Variants in MYZAP observed in about 807,000 individuals in gnomAD.
MYZAP encodes the protein GRINL1A complex locus upstream.
Under a neutral mutation model 69.4 loss-of-function variants are expected in MYZAP, and 66 were observed. That is an observed-to-expected ratio of 0.95 (90% CI 0.78 to 1.17). MYZAP has a LOEUF of 1.17. Among genes scored for constraint, MYZAP ranks in the 50% most tolerant of loss-of-function variants. MYZAP has a pLI of 0.00. For missense variants in MYZAP, 611 were observed against 556.2 expected (o/e 1.10, Z -0.99); for synonymous variants, 256 against 205.9 (o/e 1.24, Z -2.09).
intron 3 of MYZAP, among the ~76,000 whole-genome samples, chr15:57,620,910 C>A (rs1443876845): frequency 6.6e-6 from 1 of 151,546 alleles, no homozygotes; most frequent in Non-Finnish European, 1.5e-5. Context: ...TTTCAACAAA[C>A]CATTTTTTCT....
intron 10 of MYZAP, among the ~76,000 whole-genome samples, chr15:57,649,717 T>A (rs2037631936): frequency 6.6e-6 from 1 of 152,198 alleles, no homozygotes; most frequent in African/African-American, 2.4e-5. Context: ...AGTTAATCTT[T>A]TTGGCTGTGT....
rs59322468 is a variant in MYZAP at position 57,629,971 on chromosome 15, A to ATTTTTTTTTTTTTT, written c.678+119_678+132dup. On this transcript the variant is annotated intron_variant, in intron 6 of 12. Coordinates refer to ENST00000267853, the MANE Select transcript of MYZAP (RefSeq NM_001018100.5). ...TTTTCTCCATTCTCTTCTTCATTGG[A>ATTTTTTTTTTTTTT]TTTTTTTTTTTTTTTGAGACAGAGT... 324 of 875,088 alleles carry ATTTTTTTTTTTTTT rather than the reference A, an allele frequency of 3.7e-4. 14 individuals are homozygous for ATTTTTTTTTTTTTT. The highest frequency in any genetic ancestry group is 3.1e-3 in the African/African-American group (134 of 43,696). 54.2% of individuals were successfully genotyped at this position (875,088 alleles called of 1,614,324 possible). A position where few individuals can be genotyped will look rare whatever the true frequency, so the allele number is the denominator to read the frequency against.
At chr15:57,631,353 G>A (rs1433893210) in intron 6 of MYZAP, among the ~76,000 whole-genome samples, 4 of 151,872 alleles carry the variant, frequency 2.6e-5, no homozygotes, top group Non-Finnish European at 5.9e-5. Context: ...TGGAGTCCAG[G>A]CCTTTAACTC....
At chr15:57,664,685 C>G (rs1409818099) in intron 11 of MYZAP, among the ~76,000 whole-genome samples, 3 of 152,164 alleles carry the variant, frequency 2.0e-5, no homozygotes, top group Admixed American at 6.5e-5. Context: ...CTAAAAGAAA[C>G]CACAAAAGTT....
At chr15:57,592,532 A>G (rs1184876701) in intron 1 of MYZAP, among the ~76,000 whole-genome samples, 2 of 152,172 alleles carry the variant, frequency 1.3e-5, no homozygotes, top group Non-Finnish European at 2.9e-5. Flanking sequence ...GTGATAGGGT[A>G]TCCACTAGTG....
intron 4 of MYZAP, among the ~76,000 whole-genome samples, chr15:57,622,274 G>T (rs959244239): frequency 2.6e-5 from 4 of 151,902 alleles, no homozygotes; most frequent in Admixed American, 2.0e-4. Flanking sequence ...ACATACCTAG[G>T]AGTCAACTAT....
chr15:57,640,607 AT>A (rs1215103995), intron 10 of MYZAP, among the ~76,000 whole-genome samples: 1 of 152,216 alleles, frequency 6.6e-6, no homozygotes, highest in Non-Finnish European at 1.5e-5. Context: ...AAATATATCT[AT>A]TTTATTAATC....
At chr15:57,680,458 G>A (rs1567244951) in intron 12 of MYZAP, among the ~76,000 whole-genome samples, 2 of 150,946 alleles carry the variant, frequency 1.3e-5, no homozygotes, top group Non-Finnish European at 2.9e-5. Flanking sequence ...GAAGGGGTGA[G>A]AGGGGACTCA....
chr15:57,592,062 C>A lies in MYZAP; in HGVS notation c.28C>A (p.Leu10Met). Reference sequence around the variant, plus strand: ...GCTGCGCTCCACGTCCACGGTCACCCTGCTCTCGGGCGGCGCCGCCAGGAC... The same window carrying A: ...GCTGCGCTCCACGTCCACGGTCACCATGCTCTCGGGCGGCGCCGCCAGGAC... Reference protein sequence around the residue: MLRSTSTVTLLSGGAARTPG... With the variant: MLRSTSTVTMLSGGAARTPG... The change falls in exon 1 of 13, where the codon CTG becomes ATG. Residue 10 changes from leucine to methionine, a missense_variant. Coordinates refer to ENST00000267853, the MANE Select transcript of MYZAP (RefSeq NM_001018100.5). 1 of 1,411,254 alleles carries A rather than the reference C, an allele frequency of 7.1e-7. No homozygotes were observed. Among genetic ancestry groups the A allele is most frequent in the Admixed American group, 2.9e-5 (1 of 34,156 alleles). 87.4% of individuals were successfully genotyped at this position (1,411,254 alleles called of 1,614,324 possible).
chr15:57,634,369 G>A (rs554804819), intron 8 of MYZAP, among the ~76,000 whole-genome samples: 85 of 152,134 alleles, frequency 5.6e-4, no homozygotes, highest in Non-Finnish European at 9.1e-4. Flanking sequence ...AGCAGGTGAC[G>A]GCTGACTTCT....
chr15:57,600,263 A>G (rs1428936880), intron 1 of MYZAP, among the ~76,000 whole-genome samples: 1 of 152,250 alleles, frequency 6.6e-6, no homozygotes, highest in Non-Finnish European at 1.5e-5. Flanking sequence ...TTTATTAAAG[A>G]AAAACTAGCT....
At chr15:57,667,567 A>G (rs1424422141) in intron 11 of MYZAP, among the ~76,000 whole-genome samples, 2 of 152,184 alleles carry the variant, frequency 1.3e-5, no homozygotes, top group African/African-American at 2.4e-5. Flanking sequence ...CACTGTAGTC[A>G]TATTCTGCAA....
At position 57,591,977 on chromosome 15, in the gene MYZAP, G is replaced by A. The variant is rs2140298083; in HGVS notation, c.-58G>A. 7.3e-7 allele frequency: 1 copy of A among 1,376,374 alleles called. No homozygotes were observed. The highest frequency in any genetic ancestry group is 1.6e-5 in the South Asian group (1 of 61,598). The allele number at this position is 1,376,374 out of a possible 1,614,324, so 85.3% of individuals were successfully genotyped here. A position where few individuals can be genotyped will look rare whatever the true frequency, so the allele number is the denominator to read the frequency against. On this transcript the variant is annotated 5_prime_UTR_variant, in exon 1 of 13. Coordinates refer to ENST00000267853, the MANE Select transcript of MYZAP (RefSeq NM_001018100.5). ...CCCCCGCGCAGGGCGGGCCCCGCACGCTTATTCTGCCCGGGAGGAACGCCG... is the reference window on the plus strand; with the variant it reads ...CCCCCGCGCAGGGCGGGCCCCGCACACTTATTCTGCCCGGGAGGAACGCCG...
intron 2 of MYZAP, among the ~76,000 whole-genome samples, chr15:57,614,761 A>G (rs1290487228): frequency 6.6e-6 from 1 of 152,126 alleles, no homozygotes; most frequent in African/African-American, 2.4e-5. Flanking sequence ...TGTTCTCCTG[A>G]CTGTAGCATT....
chr15:57,603,006 A>G (rs1311956132), intron 1 of MYZAP, among the ~76,000 whole-genome samples: 1 of 152,202 alleles, frequency 6.6e-6, no homozygotes, highest in African/African-American at 2.4e-5. Flanking sequence ...AGAATATGAT[A>G]AATCACACAA....
At chr15:57,672,973 C>T (rs1210351012) in intron 11 of MYZAP, among the ~76,000 whole-genome samples, 1 of 152,168 alleles carries the variant, frequency 6.6e-6, no homozygotes, top group Non-Finnish European at 1.5e-5. Context: ...AGACCGAGCT[C>T]CTCAAGGGTT....
chr15:57,679,190 T>G (rs2039298861), intron 12 of MYZAP, among the ~76,000 whole-genome samples: 1 of 152,092 alleles, frequency 6.6e-6, no homozygotes, highest in Non-Finnish European at 1.5e-5. Context: ...AAAAAATGCA[T>G]TTAGTTGATG....
rs151226893 is a variant in MYZAP, at chr15:57,633,754, G to A, written c.933+13G>A. The A allele has an allele frequency of 6.3e-3, 9,755 of 1,557,686 alleles. 70 individuals are homozygous for A. Among genetic ancestry groups the A allele is most frequent in the Middle Eastern group, 0.017 (100 of 5,868 alleles). ...GCGCATGGAAAAGGTAGGACACAGC[G>A]TTGGGCCTATTGCCCACTTGCCCAA... is the stretch of plus-strand genomic sequence containing the variant. On this transcript the variant is annotated intron_variant, in intron 8 of 12. Coordinates refer to ENST00000267853, the MANE Select transcript of MYZAP (RefSeq NM_001018100.5).
chr15:57,678,618 T>C (rs76563290), intron 12 of MYZAP, among the ~76,000 whole-genome samples: 1,797 of 152,246 alleles, frequency 0.012, 37 homozygotes, highest in African/African-American at 0.041. Context: ...TCAGTATGCA[T>C]TGGGCTCTTC....
Sources: gnomAD v4.1 joint callset for allele counts (sites outside exome capture counted in the v4.1 genomes callset) on GRCh38, gnomAD v4.1.1 for gene constraint, MANE v1.5 for transcripts, NCBI Gene and HGNC (gene_info 2026-07-23, HGNC 2026-07-21) for gene names.